The following COL5A3 variants were observed in gnomAD, a reference collection of about 807,000 sequenced individuals.
The protein encoded by COL5A3 is collagen alpha-3(V) chain.
COL5A3 carries 172 observed loss-of-function variants against 250.0 expected under a neutral mutation model. The ratio of observed to expected loss-of-function variants is 0.69; its 90% CI spans 0.61 to 0.78. COL5A3 has a LOEUF of 0.78. COL5A3 is among the 30% of genes least tolerant of loss of function. The pLI, the probability that COL5A3 is intolerant of heterozygous loss-of-function variation, is 0.00. For synonymous variants in COL5A3, 937 were observed against 900.4 expected (o/e 1.04, Z -0.73); for missense variants, 2,340 against 2,334.4 (o/e 1.00, Z -0.05).
intron 4 of COL5A3, 98 bp downstream of exon 4, chr19:10,005,460 A>C (rs1240853820): frequency 5.5e-6 from 7 of 1,268,120 alleles, no homozygotes; most frequent in African/African-American, 1.5e-5. Flanking sequence ...GATAGATTGA[A>C]GCTTGACATC....
intron 64 of COL5A3, among the ~76,000 whole-genome samples, chr19:9,964,850 C>A: frequency 1.1e-5 from 1 of 89,556 alleles, no homozygotes; most frequent in African/African-American, 4.2e-5. Context: ...AACCCCATCT[C>A]TACTAAAAAA....
intron 63 of COL5A3, 54 bp downstream of exon 63, chr19:9,966,482 C>A (rs3745582): frequency 0.38 from 581,941 of 1,546,852 alleles, 111,735 homozygotes; most frequent in East Asian, 0.54. Flanking sequence ...CGGACCCCAA[C>A]CCCCCCCACA....
In COL5A3 at chr19:9,976,602, C is replaced by G. The variant is rs770483332; in HGVS notation, c.3298G>C (p.Gly1100Arg). The G allele has an allele frequency of 6.3e-7, 1 of 1,575,006 alleles. No homozygotes were observed. The highest frequency in any genetic ancestry group is 1.9e-5 in the Admixed American group (1 of 52,234). Residue 1100 changes from glycine to arginine, a missense_variant, in exon 45 of 67, where the codon GGA becomes CGA. Transcript: ENST00000264828. ...GCAGGACCCCGTATCCCTGGTTGTC[C>G]AGGTGGGCCCTGGGAGAACAGGAAA... ...KGDKGDAGPP[G>R]QPGIRGPAGH...
intron 39 of COL5A3, 75 bp downstream of exon 39, chr19:9,979,057 C>T: frequency 6.8e-7 from 1 of 1,465,270 alleles, no homozygotes; most frequent in Admixed American, 2.4e-5. Context: ...AGGGCCCCCT[C>T]CCCCATGAGA....
chr19:9,979,563 G>A, intron 37 of COL5A3, 146 bp from the exon 38 acceptor site: 3 of 844,246 alleles, frequency 3.6e-6, no homozygotes, highest in Non-Finnish European at 3.8e-6. Context: ...GCAGAGGCAG[G>A]TGGGTCACTT....
intron 31 of COL5A3, among the ~76,000 whole-genome samples, chr19:9,983,600 G>GAGAGAGAA (rs2087048693): frequency 1.3e-5 from 1 of 77,042 alleles, no homozygotes; most frequent in African/African-American, 6.2e-5. Flanking sequence ...AAGAAAGAAA[G>GAGAGAGAA]AGAAAGAGAG....
At chr19:9,970,064 AGTGGGGGCTGTGGGTG>A in intron 54 of COL5A3, 142 bp from the exon 55 acceptor site, 1 of 115,296 alleles carries the variant, frequency 8.7e-6, no homozygotes. Context: ...GGTCTGGGTG[AGTGGGGGCTGTGGGTG>A]AGTGGGGGCT....
In COL5A3 at chr19:9,968,600, TC is replaced by T. The variant is rs2086787983; in HGVS notation, c.4206+74del. 2 of 1,589,400 alleles carry T rather than the reference TC, an allele frequency of 1.3e-6. No individual in the cohort carries two copies. The highest frequency in any genetic ancestry group is 2.7e-5 in the African/African-American group (2 of 74,158). On this transcript the variant is annotated intron_variant, in intron 58 of 66. Transcript: ENST00000264828. This position sits in a 1 kb window ranked among gnomAD's most constrained non-coding sequence, Gnocchi z 4.1. ...TTTGGGAGCAGAGGATGCACCAATC[TC>T]CCAGCCCCCCAGCCAGGGAGGGAGG... is the stretch of plus-strand genomic sequence containing the variant.
chr19:9,996,506 G>A lies in COL5A3; in HGVS notation c.1349C>T (p.Ala450Val), dbSNP rs544516411. The part of the protein sequence containing the change: ...GTVIMMPFQF[A>V]GGSFKGPPVS... Reference sequence around the variant, plus strand: ...TGGGGGGCCTTTAAAGGAGCCGCCTGCAAACTGGAACTGGGAGGAATTTAG... The same window carrying A: ...TGGGGGGCCTTTAAAGGAGCCGCCTACAAACTGGAACTGGGAGGAATTTAG... Residue 450 changes from alanine (A) to valine (V), a missense_variant, in exon 13 of 67, where the codon GCA becomes GTA. By Grantham distance (64) the Ala-to-Val change is moderately conservative. Around this residue, in one of 3 missense-constraint regions of COL5A3, gnomAD observed 1,152 missense variants for 1,146.3 expected, o/e 1.00. Coordinates refer to ENST00000264828, the MANE Select transcript of COL5A3 (RefSeq NM_015719.4). 5.3e-5 allele frequency: 86 copies of A among 1,614,132 alleles called. 1 individual carries two copies. In the South Asian group the frequency reaches 8.9e-4, roughly 17 times the overall value.
chr19:9,991,074 TAAGAA>T (rs900364981), intron 24 of COL5A3, among the ~76,000 whole-genome samples: 1 of 151,040 alleles, frequency 6.6e-6, no homozygotes, highest in African/African-American at 2.4e-5. Flanking sequence ...AAAAAGAAAA[TAAGAA>T]AAGAAAAGAA....
intron 65 of COL5A3, 124 bp from the exon 66 acceptor site, chr19:9,961,014 AGGTCCCACCAGCCACCTAGAGATCCCT>A: frequency 1.7e-6 from 2 of 1,167,372 alleles, no homozygotes; most frequent in Non-Finnish European, 2.4e-6. Context: ...ATCTCTGAGG[AGGTCCCACCAGCCACCTAGAGATCCCT>A]GGCAGAATCC....
rs1453929659 is a variant in COL5A3, at chr19:9,991,836, A to C, written c.1899T>G (p.Pro633=). 6.2e-7 allele frequency: 1 copy of C among 1,608,858 alleles called. No individual in the cohort carries two copies. The change falls in exon 23 of 67, where the codon CCT becomes CCG. Residue 633 remains proline (P), a synonymous_variant. Coordinates refer to ENST00000264828, the MANE Select transcript of COL5A3 (RefSeq NM_015719.4). ...GAPGAKGNVG[P]PGEPGPPGQQ... is the part of the protein sequence containing the mutation. ...GTCCCGGAGGGCCTGGTTCTCCTGG[A>C]GGACCCTGGGGAGAAAGTGGGGTTT... is the stretch of plus-strand genomic sequence containing the variant.
rs909647421 is a variant in COL5A3, at chr19:9,963,017, G to A, written c.4783-130C>T. 3.1e-5 allele frequency: 21 copies of A among 687,052 alleles called. 1 individual carries two copies. In the Admixed American group the frequency reaches 4.4e-4, roughly 14 times the overall value. 42.6% of individuals were successfully genotyped at this position (687,052 alleles called of 1,614,324 possible). Reference sequence around the variant, plus strand: ...ATGTTCTCTGGCTTCTGGGATGGACGAGCTCTGCCAGTGCACAATGGGGGA... The same window carrying A: ...ATGTTCTCTGGCTTCTGGGATGGACAAGCTCTGCCAGTGCACAATGGGGGA... On this transcript the variant is annotated intron_variant, in intron 64 of 66. Coordinates refer to ENST00000264828, the MANE Select transcript of COL5A3 (RefSeq NM_015719.4).
chr19:9,969,457 A>ACC, intron 56 of COL5A3, 55 bp from the exon 57 acceptor site: 6 of 1,529,002 alleles, frequency 3.9e-6, no homozygotes, highest in Non-Finnish European at 4.5e-6. Flanking sequence ...CACAGTGTGG[A>ACC]CCCCCCCCCG....
Position 10,010,287 on chromosome 19 carries a change from T to C in COL5A3, c.88+11A>G. On this transcript the variant is annotated intron_variant, in intron 1 of 66. Coordinates refer to ENST00000264828, the MANE Select transcript of COL5A3 (RefSeq NM_015719.4). ...TGGACCCTGGGTCCCATCTCTTCCC[T>C]CCCGGCTCACCGGCCTGCGTCCCCG... The C allele has an allele frequency of 2.1e-6, 3 of 1,415,936 alleles. No individual in the cohort carries two copies. The highest frequency in any genetic ancestry group is 2.8e-6 in the Non-Finnish European group (3 of 1,077,574). 87.7% of individuals were successfully genotyped at this position (1,415,936 alleles called of 1,614,324 possible).
At chr19:9,980,202 C>A (rs1312208233) in intron 35 of COL5A3, among the ~76,000 whole-genome samples, 155 bp from the exon 36 acceptor site, 1 of 152,216 alleles carries the variant, frequency 6.6e-6, no homozygotes, top group Non-Finnish European at 1.5e-5. Flanking sequence ...ATTTTATTCA[C>A]CACTGTAGCC....
rs766094616 is a variant in COL5A3, at chr19:10,001,823, G to C, written c.908C>G (p.Thr303Arg). 6.8e-6 allele frequency: 11 copies of C among 1,614,062 alleles called. No homozygotes were observed. The highest frequency in any genetic ancestry group is 1.1e-5 in the South Asian group (1 of 91,090). ...CACAGTGGAGGTGACGACCAAAGGC[G>C]TGGGGGTCGGAGGCAGATTTGGAGC... ...TPAPNLPPTP[T>R]PLVVTSTVTT... The change falls in exon 7 of 67, where the codon ACG (threonine) becomes AGG (arginine). Residue 303 changes from threonine (T) to arginine (R), a missense_variant. Coordinates refer to ENST00000264828, the MANE Select transcript of COL5A3 (RefSeq NM_015719.4).
Position 9,977,486 on chromosome 19 carries a change from TG to T in COL5A3, c.3127-15del. 1 of 1,506,828 alleles carries T rather than the reference TG, an allele frequency of 6.6e-7. No homozygotes were observed. The highest frequency in any genetic ancestry group is 1.4e-5 in the African/African-American group (1 of 71,500). The allele number at this position is 1,506,828 out of a possible 1,614,324, so 93.3% of individuals were successfully genotyped here. ...GCCACGTTCTCCCTGTTGTGGGGAA[TG>T]GAAAGGGGGATGTCAGGGCAGGAAT... On this transcript the variant is annotated splice_polypyrimidine_tract_variant and intron_variant, in intron 42 of 66. Coordinates refer to ENST00000264828, the MANE Select transcript of COL5A3 (RefSeq NM_015719.4).
chr19:10,006,203 A>G lies in COL5A3; in HGVS notation c.117T>C (p.Gly39=). Residue 39 remains glycine (G), a synonymous_variant, in exon 2 of 67, where the codon GGT becomes GGC. Coordinates refer to ENST00000264828, the MANE Select transcript of COL5A3 (RefSeq NM_015719.4). ...GGACCCCAGCCTGGCCTCCCTGCACACCCAGGGCCTTCAGGACATCCACAG... is the reference window on the plus strand; with the variant it reads ...GGACCCCAGCCTGGCCTCCCTGCACGCCCAGGGCCTTCAGGACATCCACAG... ...ADPVDVLKAL[G]VQGGQAGVPE... The G allele has an allele frequency of 6.2e-7, 1 of 1,603,702 alleles. No individual in the cohort carries two copies. The highest frequency in any genetic ancestry group is 8.5e-7 in the Non-Finnish European group (1 of 1,175,726).
Sources: allele counts gnomAD v4.1 joint callset (sites outside exome capture counted in the v4.1 genomes callset), GRCh38; gene constraint gnomAD v4.1.1; regional missense constraint gnomAD v4.1.1; non-coding constraint Gnocchi (gnomAD v3.1); transcripts MANE v1.5; gene names NCBI Gene and HGNC (gene_info 2026-07-23, HGNC 2026-07-21).